The following PDF variants were observed in gnomAD, a reference collection of about 807,000 sequenced individuals.
The protein encoded by PDF is peptide deformylase-like protein.
Under a neutral mutation model 20.3 loss-of-function variants are expected in PDF, and 31 were observed. That is an observed-to-expected ratio of 1.52 (90% CI 1.15 to 2.06). The LOEUF (loss-of-function observed/expected upper bound fraction) is 2.06. PDF is among the 30% of genes most tolerant of loss of function. The pLI is 0.00. For synonymous variants in PDF, 254 were observed against 172.0 expected, an observed-to-expected ratio of 1.48 and a Z score of -3.73; for missense variants, 447 against 362.5, an observed-to-expected ratio of 1.23 and a Z score of -1.89.
chr16:69,329,282 G>A (rs961881992), intron 1 of PDF, 103 bp from the exon 2 acceptor site: 9 of 1,255,390 alleles, frequency 7.2e-6, no homozygotes, highest in East Asian at 2.9e-5. Context: ...ATTGACAAGA[G>A]GCAACAGCAG....
At position 69,327,693 on chromosome 16, in the gene PDF, TAAAAATGAGGTG is replaced by T. The variant is rs1965642220; in HGVS notation, c.*1317_*1328del. The T allele has an allele frequency of 2.0e-5, 3 of 152,114 alleles. No homozygotes were observed. 9.4% of individuals were successfully genotyped at this position (152,114 alleles called of 1,614,324 possible). ...AATACCTACTTTACAAAACTCAGCATAAAAATGAGGTGAAACAGTTTAACTAAAACTGGAGTT... is the reference window on the plus strand; with the variant it reads ...AATACCTACTTTACAAAACTCAGCATAAACAGTTTAACTAAAACTGGAGTT... On this transcript the variant is annotated 3_prime_UTR_variant, in exon 2 of 2. Coordinates refer to ENST00000288022, the MANE Select transcript of PDF (RefSeq NM_022341.2).
chr16:69,330,004 C>G lies in PDF; in HGVS notation c.567G>C (p.Gln189His). ...GGTCCCCGCCGCCCGCACCTGAGAT[C>G]TGCACCGCCTGGAAGCGGGGCACGC... Reference protein sequence around the residue: ...LACVPRFQAVQISGLDPNGEQ... With the variant: ...LACVPRFQAVHISGLDPNGEQ... The change falls in exon 1 of 2, where the codon CAG becomes CAC. Residue 189 changes from glutamine (Q) to histidine (H), a missense_variant. Transcript: ENST00000288022. 1 of 1,538,226 alleles carries G rather than the reference C, an allele frequency of 6.5e-7. No homozygotes were observed. The highest frequency in any genetic ancestry group is 8.8e-7 in the Non-Finnish European group (1 of 1,142,346).
Position 69,329,129 on chromosome 16 carries a change from C to A in PDF, c.625G>T (p.Ala209Ser). 1 of 1,608,998 alleles carries A rather than the reference C, an allele frequency of 6.2e-7. No individual in the cohort carries two copies. ...TCCATCTCGTGCTGGATGATGCGGG[C>A]TGCCCACCCGCTCGCCTGCCACACC... The part of the protein sequence containing the change: ...QVVWQASGWA[A>S]RIIQHEMDHL... The change falls in exon 2 of 2, where the codon GCC (alanine) becomes TCC (serine). Residue 209 changes from alanine to serine, a missense_variant. Coordinates refer to ENST00000288022, the MANE Select transcript of PDF (RefSeq NM_022341.2).
At chr16:69,329,253 C>T in intron 1 of PDF, 74 bp from the exon 2 acceptor site, 1 of 1,429,226 alleles carries the variant, frequency 7.0e-7, no homozygotes. Context: ...TACCCCTGCC[C>T]CCGGTCCTGG....
chr16:69,330,454 G>C lies in PDF; in HGVS notation c.117C>G (p.Val39=). 3.4e-6 allele frequency: 5 copies of C among 1,472,200 alleles called. No homozygotes were observed. The highest frequency in any genetic ancestry group is 4.5e-6 in the Non-Finnish European group (5 of 1,120,098). The allele number at this position is 1,472,200 out of a possible 1,614,324, so 91.2% of individuals were successfully genotyped here. The change falls in exon 1 of 2, where the codon GTC becomes GTG. Residue 39 remains valine (V), a synonymous_variant. Transcript: ENST00000288022. ...ACSSTAAPDG[V]EGPALRRSYW... is the part of the protein sequence containing the mutation. ...AGGAGCGCCGCAGCGCCGGGCCCTC[G>C]ACGCCGTCCGGGGCGGCCGTGGAGC...
Position 69,328,880 on chromosome 16 carries a change from C to T in PDF, c.*142G>A. On this transcript the variant is annotated 3_prime_UTR_variant, in exon 2 of 2. Coordinates refer to ENST00000288022, the MANE Select transcript of PDF (RefSeq NM_022341.2). Reference sequence around the variant, plus strand: ...GGCAAACATTTCTGACATCTTCCTCCAGCTCAGTCTGCCATGCCTTGGCAA... The same window carrying T: ...GGCAAACATTTCTGACATCTTCCTCTAGCTCAGTCTGCCATGCCTTGGCAA... 2 of 1,083,714 alleles carry T rather than the reference C, an allele frequency of 1.8e-6. No individual in the cohort carries two copies. Among genetic ancestry groups the T allele is most frequent in the Non-Finnish European group, 2.6e-6 (2 of 766,326 alleles). The allele number at this position is 1,083,714 out of a possible 1,614,324, so 67.1% of individuals were successfully genotyped here. A position where few individuals can be genotyped will look rare whatever the true frequency, so the allele number is the denominator to read the frequency against.
Position 69,330,065 on chromosome 16 carries a change from G to C in PDF, c.506C>G (p.Pro169Arg). 6.4e-7 allele frequency: 1 copy of C among 1,560,460 alleles called. No homozygotes were observed. Among genetic ancestry groups the C allele is most frequent in the South Asian group, 1.2e-5 (1 of 84,896 alleles). Residue 169 changes from proline to arginine, a missense_variant, in exon 1 of 2, where the codon CCC becomes CGC. Transcript: ENST00000288022. ...RVLDSRLVTFPEGCESVAGFL... is the reference protein window; with the variant it reads ...RVLDSRLVTFREGCESVAGFL... The stretch of plus-strand genomic sequence containing the variant: ...GCCGGCGACGCTCTCGCAGCCCTCG[G>C]GAAAGGTGACCAGGCGGCTGTCAAG...
Position 69,330,115 on chromosome 16 carries a change from C to G in PDF, c.456G>C (p.Val152=). Residue 152 remains valine (V), a synonymous_variant, in exon 1 of 2, where the codon GTG becomes GTC. Coordinates refer to ENST00000288022, the MANE Select transcript of PDF (RefSeq NM_022341.2). ...GCACTCGCAGGCTGGGGTTCACGAACACGCGCAGGGGGAAGGGCTCCATTT... is the reference window on the plus strand; with the variant it reads ...GCACTCGCAGGCTGGGGTTCACGAAGACGCGCAGGGGGAAGGGCTCCATTT... ...LRQMEPFPLR[V]FVNPSLRVLD... The G allele has an allele frequency of 1.3e-6, 2 of 1,585,190 alleles. No individual in the cohort carries two copies. Among genetic ancestry groups the G allele is most frequent in the Non-Finnish European group, 1.7e-6 (2 of 1,168,372 alleles).
At chr16:69,329,943 G>C (rs1054472660) in intron 1 of PDF, 54 bp downstream of exon 1, 13 of 1,477,678 alleles carry the variant, frequency 8.8e-6, no homozygotes, top group Non-Finnish European at 1.1e-5. Context: ...TCGCGGAGTC[G>C]GGCAGAAGAG....
Position 69,330,422 on chromosome 16 carries a change from C to A in PDF, c.149G>T (p.Arg50Leu), listed in dbSNP as rs894574168. 3.1e-5 allele frequency: 46 copies of A among 1,476,500 alleles called. No homozygotes were observed. Among genetic ancestry groups the A allele is most frequent in the Non-Finnish European group, 3.8e-5 (43 of 1,121,752 alleles). 91.5% of individuals were successfully genotyped at this position (1,476,500 alleles called of 1,614,324 possible). ...ACCCAGCACCAGACGCCTCAGGTGGCGCCAATAGGAGCGCCGCAGCGCCGG... is the reference window on the plus strand; with the variant it reads ...ACCCAGCACCAGACGCCTCAGGTGGAGCCAATAGGAGCGCCGCAGCGCCGG... ...EGPALRRSYW[R>L]HLRRLVLGPP... The change falls in exon 1 of 2, where the codon CGC becomes CTC. Residue 50 changes from arginine to leucine, a missense_variant. Arg to Leu is a moderately radical substitution (Grantham distance 102, BLOSUM62 -2). Transcript: ENST00000288022.
chr16:69,330,144 G>T lies in PDF; in HGVS notation c.427C>A (p.Arg143Ser), dbSNP rs774492744. Reference sequence around the variant, plus strand: ...CGCAGGGGGAAGGGCTCCATTTGGCGGAGCGCGCGCTGGCGGGGCGGGCAC... The same window carrying T: ...CGCAGGGGGAAGGGCTCCATTTGGCTGAGCGCGCGCTGGCGGGGCGGGCAC... ...RECPPRQRAL[R>S]QMEPFPLRVF... is the part of the protein sequence containing the mutation. Residue 143 changes from arginine (R) to serine (S), a missense_variant, in exon 1 of 2, where the codon CGC becomes AGC. Physicochemically the swap from Arg to Ser is moderately radical, Grantham distance 110. Coordinates refer to ENST00000288022, the MANE Select transcript of PDF (RefSeq NM_022341.2). 2.0e-5 allele frequency: 31 copies of T among 1,557,070 alleles called. No homozygotes were observed. In the African/African-American group the frequency reaches 4.1e-4, roughly 21 times the overall value.
At position 69,328,752 on chromosome 16, in the gene PDF, A is replaced by ATTCTT; in HGVS notation, c.*269_*270insAAGAA. The ATTCTT allele has an allele frequency of 2.3e-6, 1 of 437,070 alleles. No homozygotes were observed. The highest frequency in any genetic ancestry group is 4.0e-6 in the Non-Finnish European group (1 of 248,328). The allele number at this position is 437,070 out of a possible 1,614,324, so 27.1% of individuals were successfully genotyped here. On this transcript the variant is annotated 3_prime_UTR_variant, in exon 2 of 2. Coordinates refer to ENST00000288022, the MANE Select transcript of PDF (RefSeq NM_022341.2). ...GTGTCTACTGCAGACGAATGCAATT[A>ATTCTT]CCCCACCTTCCTCCATACAGAATTG...
rs1321076928 is a variant in PDF, at chr16:69,330,411, G to A, written c.160C>T (p.Arg54Cys). The A allele has an allele frequency of 4.1e-6, 6 of 1,476,856 alleles. No individual in the cohort carries two copies. The highest frequency in any genetic ancestry group is 4.7e-5 in the Admixed American group (2 of 42,150). 91.5% of individuals were successfully genotyped at this position (1,476,856 alleles called of 1,614,324 possible). A position where few individuals can be genotyped will look rare whatever the true frequency, so the allele number is the denominator to read the frequency against. ...GGTTCGGGAGGACCCAGCACCAGAC[G>A]CCTCAGGTGGCGCCAATAGGAGCGC... ...LRRSYWRHLR[R>C]LVLGPPEPPF... The change falls in exon 1 of 2, where the codon CGT becomes TGT. Residue 54 changes from arginine (R) to cysteine (C), a missense_variant. Physicochemically the swap from Arg to Cys is radical, Grantham distance 180 (BLOSUM62 -3). Transcript: ENST00000288022.
rs1427846098 is a variant in PDF at position 69,328,593 on chromosome 16, C to T, written c.*429G>A. Reference sequence around the variant, plus strand: ...ACTGGCGTCTAAGGCCACAAGCCCTCCGTAAAAATAAGAACTCGGCACAAA... The same window carrying T: ...ACTGGCGTCTAAGGCCACAAGCCCTTCGTAAAAATAAGAACTCGGCACAAA... On this transcript the variant is annotated 3_prime_UTR_variant, in exon 2 of 2. Coordinates refer to ENST00000288022, the MANE Select transcript of PDF (RefSeq NM_022341.2). The T allele has an allele frequency of 5.4e-6, 1 of 183,742 alleles. No homozygotes were observed. The highest frequency in any genetic ancestry group is 1.1e-5 in the Non-Finnish European group (1 of 88,900). 11.4% of individuals were successfully genotyped at this position (183,742 alleles called of 1,614,324 possible). A position where few individuals can be genotyped will look rare whatever the true frequency, so the allele number is the denominator to read the frequency against.
intron 1 of PDF, 104 bp downstream of exon 1, chr16:69,329,893 C>T: frequency 7.5e-7 from 1 of 1,338,444 alleles, no homozygotes; most frequent in Non-Finnish European, 9.8e-7. Context: ...TTCGCTCCTG[C>T]GGGAGGTCCG....
At position 69,328,868 on chromosome 16, in the gene PDF, G is replaced by A; in HGVS notation, c.*154C>T. On this transcript the variant is annotated 3_prime_UTR_variant, in exon 2 of 2. Transcript: ENST00000288022. The stretch of plus-strand genomic sequence containing the variant: ...AACTGATTTCAGGGCAAACATTTCT[G>A]ACATCTTCCTCCAGCTCAGTCTGCC... 1 of 1,002,094 alleles carries A rather than the reference G, an allele frequency of 1.0e-6. No individual in the cohort carries two copies. Among genetic ancestry groups the A allele is most frequent in the South Asian group, 1.7e-5 (1 of 58,416 alleles). The allele number at this position is 1,002,094 out of a possible 1,614,324, so 62.1% of individuals were successfully genotyped here.
rs944668331 is a variant in PDF, at chr16:69,329,169, G to A, written c.585C>T (p.Pro195=). 13 of 1,603,016 alleles carry A rather than the reference G, an allele frequency of 8.1e-6. No individual in the cohort carries two copies. The highest frequency in any genetic ancestry group is 1.3e-5 in the African/African-American group (1 of 74,570). Residue 195 remains proline (P), a synonymous_variant, in exon 2 of 2, where the codon CCC becomes CCT. Transcript: ENST00000288022. ...CCTGCCACACCACCTGTTCTCCATT[G>A]GGGTCCAGCCCTGCAAAGGAAGTTA... ...FQAVQISGLD[P]NGEQVVWQAS...
chr16:69,329,761 G>A (rs567573554), intron 1 of PDF, among the ~76,000 whole-genome samples: 11 of 152,338 alleles, frequency 7.2e-5, no homozygotes, highest in Admixed American at 3.3e-4. Context: ...GAAAGCAGAC[G>A]CCAGGCTGTC....
chr16:69,330,382 C>G lies in PDF; in HGVS notation c.189G>C (p.Pro63=). ...RRLVLGPPEP[P]FSHVCQVGDP... ...CCCCGACTTGGCACACGTGCGAGAA[C>G]GGCGGTTCGGGAGGACCCAGCACCA... Residue 63 remains proline (P), a synonymous_variant, in exon 1 of 2, where the codon CCG becomes CCC. Transcript: ENST00000288022. 6.8e-7 allele frequency: 1 copy of G among 1,479,438 alleles called. No individual in the cohort carries two copies. Among genetic ancestry groups the G allele is most frequent in the Non-Finnish European group, 8.9e-7 (1 of 1,123,026 alleles). The allele number at this position is 1,479,438 out of a possible 1,614,324, so 91.6% of individuals were successfully genotyped here.
Sources: allele counts gnomAD v4.1 joint callset (sites outside exome capture counted in the v4.1 genomes callset), GRCh38; gene constraint gnomAD v4.1.1; transcripts MANE v1.5; gene names NCBI Gene and HGNC (gene_info 2026-07-23, HGNC 2026-07-21).